The following CPXM2 variants were observed in gnomAD, a reference collection of about 807,000 sequenced individuals.
CPXM2 encodes the protein inactive carboxypeptidase-like protein X2.
Under a neutral mutation model 86.1 loss-of-function variants are expected in CPXM2, and 66 were observed. The ratio of observed to expected loss-of-function variants is 0.77; its 90% confidence interval spans 0.63 to 0.94. CPXM2 has a LOEUF of 0.94. Ranked by LOEUF, CPXM2 falls within the 40% of genes least tolerant of loss-of-function variation. The probability of loss-of-function intolerance (pLI) is 0.00; values close to 1 mark genes in which losing one functional copy is unlikely to be tolerated. For missense variants in CPXM2, 948 were observed against 1,026.3 expected, an observed-to-expected ratio of 0.92 and a Z score of 1.04; for synonymous variants, 388 against 400.2, an observed-to-expected ratio of 0.97 and a Z score of 0.36.
chr10:123,926,675 T>C (rs992317890), intron 2 of CPXM2, among the ~76,000 whole-genome samples: 19 of 152,164 alleles, frequency 1.2e-4, no homozygotes, highest in Non-Finnish European at 2.2e-4. Flanking sequence ...TGTCCTTTGC[T>C]CCTCCCCTTT....
At chr10:123,788,349 T>C (rs1233558276) in intron 6 of CPXM2, among the ~76,000 whole-genome samples, 1 of 151,234 alleles carries the variant, frequency 6.6e-6, no homozygotes, top group African/African-American at 2.4e-5. Flanking sequence ...TTCACCAGCC[T>C]CTCCCTACAG....
intron 4 of CPXM2, among the ~76,000 whole-genome samples, chr10:123,836,685 T>C (rs1590051433): frequency 6.6e-6 from 1 of 152,316 alleles, no homozygotes; most frequent in African/African-American, 2.4e-5. Context: ...TGCAGAGGAC[T>C]CCACCTCCTA....
intron 2 of CPXM2, among the ~76,000 whole-genome samples, chr10:123,900,034 A>G (rs956923888): frequency 1.3e-5 from 2 of 152,250 alleles, no homozygotes; most frequent in African/African-American, 4.8e-5. Flanking sequence ...AATACCTGCA[A>G]TGTCTAACAA....
At chr10:123,751,494 T>C (rs368007614) in intron 13 of CPXM2, 2 of 984,612 alleles carry the variant, frequency 2.0e-6, no homozygotes, top group East Asian at 1.1e-4. Flanking sequence ...ACATCTCCTA[T>C]ACGTGGGCAG....
intron 3 of CPXM2, among the ~76,000 whole-genome samples, chr10:123,861,350 C>T (rs1438105582): frequency 2.6e-5 from 4 of 152,202 alleles, no homozygotes; most frequent in Admixed American, 6.5e-5. Flanking sequence ...CCACACAGGA[C>T]GGTAGAGATC....
chr10:123,821,398 C>CCCTAG (rs1847920794), intron 4 of CPXM2, among the ~76,000 whole-genome samples: 1 of 152,204 alleles, frequency 6.6e-6, no homozygotes, highest in South Asian at 2.1e-4. Context: ...GAGGCACATA[C>CCCTAG]TATGTTTTAC....
intron 4 of CPXM2, among the ~76,000 whole-genome samples, chr10:123,828,838 G>A (rs1382839391): frequency 6.6e-6 from 1 of 152,148 alleles, no homozygotes; most frequent in Non-Finnish European, 1.5e-5. Flanking sequence ...GACACCAAAA[G>A]CACAATTCAT....
intron 2 of CPXM2, among the ~76,000 whole-genome samples, chr10:123,897,354 C>T (rs537994833): frequency 6.6e-6 from 1 of 152,292 alleles, no homozygotes; most frequent in East Asian, 1.9e-4. Context: ...GGGAGAATAG[C>T]TCCCCCTATC....
In CPXM2 at chr10:123,891,323, C is replaced by G. The variant is rs763619392; in HGVS notation, c.304+33G>C. Reference sequence around the variant, plus strand: ...CTGGAGGCGCGCAACCACCGGCGCCCCCTCGGGCTGCCCAGCGCAGAAAGT... The same window carrying G: ...CTGGAGGCGCGCAACCACCGGCGCCGCCTCGGGCTGCCCAGCGCAGAAAGT... On this transcript the variant is annotated intron_variant, in intron 1 of 13. Coordinates refer to ENST00000241305, the MANE Select transcript of CPXM2 (RefSeq NM_198148.3). The surrounding 1 kb of genome is among the most constrained non-coding windows in gnomAD (Gnocchi z 5.6). 6 of 1,459,936 alleles carry G rather than the reference C, an allele frequency of 4.1e-6. No homozygotes were observed. Among genetic ancestry groups the G allele is most frequent in the Non-Finnish European group, 5.4e-6 (6 of 1,103,296 alleles). 90.4% of individuals were successfully genotyped at this position (1,459,936 alleles called of 1,614,324 possible).
intron 2 of CPXM2, among the ~76,000 whole-genome samples, chr10:123,904,217 C>G (rs542107268): frequency 1.9e-4 from 29 of 152,344 alleles, no homozygotes; most frequent in African/African-American, 6.5e-4. Flanking sequence ...TCAGGACTAA[C>G]TCTTCCTGCC....
intron 4 of CPXM2, among the ~76,000 whole-genome samples, chr10:123,800,236 T>A (rs1159699795): frequency 1.3e-5 from 2 of 151,496 alleles, no homozygotes; most frequent in African/African-American, 4.9e-5. Context: ...GTCATGAAAA[T>A]GATTCTTAGG....
intron 10 of CPXM2, among the ~76,000 whole-genome samples, chr10:123,763,447 C>T (rs1170291565): frequency 6.6e-6 from 1 of 152,138 alleles, no homozygotes; most frequent in Non-Finnish European, 1.5e-5. Flanking sequence ...CGGAGGCACC[C>T]ACTGTATCCT....
chr10:123,777,197 A>C (rs1410818960), intron 7 of CPXM2: 1 of 152,294 alleles, frequency 6.6e-6, no homozygotes, highest in Non-Finnish European at 1.5e-5. Flanking sequence ...TTGCCCTGGA[A>C]ATCAATGTCA....
intron 2 of CPXM2, among the ~76,000 whole-genome samples, chr10:123,903,213 C>T (rs1242611381): frequency 6.6e-6 from 1 of 152,168 alleles, no homozygotes; most frequent in Non-Finnish European, 1.5e-5. Context: ...ACACAGAGTA[C>T]CTTGTCCTGG....
At position 123,754,176 on chromosome 10, in the gene CPXM2, T is replaced by C. The variant is rs1846143727; in HGVS notation, c.2017+487A>G. 6.6e-6 allele frequency among the ~76,000 whole-genome samples: 1 copy of C among 152,146 alleles called. No homozygotes were observed. On this transcript the variant is annotated intron_variant, in intron 13 of 13. Coordinates refer to ENST00000241305, the MANE Select transcript of CPXM2 (RefSeq NM_198148.3). The surrounding 1 kb of genome is among the most constrained non-coding windows in gnomAD (Gnocchi z 4.0). ...GAAAAAGTGCATCCTCTCTGGCCAG[T>C]CCCAACCCACCCCTCCAGCTGTCCT...
intron 2 of CPXM2, among the ~76,000 whole-genome samples, chr10:123,931,756 T>C (rs994029086): frequency 6.6e-6 from 1 of 152,246 alleles, no homozygotes; most frequent in African/African-American, 2.4e-5. Context: ...ATTAGTATAT[T>C]CATATCAGAC....
At chr10:123,776,909 T>C (rs1186709455) in intron 7 of CPXM2, 2 of 152,248 alleles carry the variant, frequency 1.3e-5, no homozygotes, top group African/African-American at 2.4e-5. Context: ...GTTTTTGTTT[T>C]GTTTTGTTTG....
At chr10:123,778,298 C>T (rs1846848896) in intron 7 of CPXM2, among the ~76,000 whole-genome samples, 1 of 152,224 alleles carries the variant, frequency 6.6e-6, no homozygotes, top group Admixed American at 6.5e-5. Flanking sequence ...ACCTAGCAGA[C>T]TCCATATGGG....
At chr10:123,830,335 A>G (rs972751498) in intron 4 of CPXM2, among the ~76,000 whole-genome samples, 1 of 152,240 alleles carries the variant, frequency 6.6e-6, no homozygotes, top group African/African-American at 2.4e-5. Flanking sequence ...GTTTCACAGC[A>G]ATCACCTTGC....
Sources: gnomAD v4.1 joint callset for allele counts (sites outside exome capture counted in the v4.1 genomes callset) on GRCh38, gnomAD v4.1.1 for gene constraint, Gnocchi (gnomAD v3.1) non-coding constraint, MANE v1.5 for transcripts, NCBI Gene and HGNC (gene_info 2026-07-23, HGNC 2026-07-21) for gene names.